ZBTB14: variants seen among roughly 807,000 people sequenced by gnomAD.
ZBTB14 encodes zinc finger and BTB domain containing 14, also known as zinc finger and BTB domain-containing protein 14.
A neutral mutation model predicts 29.5 loss-of-function variants in ZBTB14; 8 were observed. That is an observed-to-expected ratio of 0.27 (90% CI 0.16 to 0.49). ZBTB14 has a LOEUF of 0.49. Ranked by LOEUF, ZBTB14 falls within the 20% of genes least tolerant of loss-of-function variation. The pLI, the probability that ZBTB14 is intolerant of heterozygous loss-of-function variation, is 0.99. For synonymous variants in ZBTB14, 226 were observed against 207.2 expected, an observed-to-expected ratio of 1.09 and a Z score of -0.78; for missense variants, 333 against 563.8, an observed-to-expected ratio of 0.59 and a Z score of 4.15.
intron 1 of ZBTB14, among the ~76,000 whole-genome samples, chr18:5,295,356 TC>T (rs1209339365): frequency 7.1e-6 from 1 of 140,834 alleles, no homozygotes; most frequent in Non-Finnish European, 1.6e-5. Flanking sequence ...GTGCGCTGGG[TC>T]CCGGCCCCCT....
Position 5,289,390 on chromosome 18 carries a change from T to G in ZBTB14, c.*1468A>C, listed in dbSNP as rs1316683032. 8 of 152,164 alleles carry G rather than the reference T, an allele frequency of 5.3e-5. No individual in the cohort carries two copies. Among genetic ancestry groups the G allele is most frequent in the Non-Finnish European group, 1.0e-4 (7 of 68,022 alleles). The allele number at this position is 152,164 out of a possible 1,614,324, so 9.4% of individuals were successfully genotyped here. On this transcript the variant is annotated 3_prime_UTR_variant, in exon 4 of 4. Coordinates refer to ENST00000651870, the MANE Select transcript of ZBTB14 (RefSeq NM_001243702.2). ...AATGCAACAAGCTATGAAGTGAAATTACTTTAATTTTTTTAAAAGAAATCC... is the reference window on the plus strand; with the variant it reads ...AATGCAACAAGCTATGAAGTGAAATGACTTTAATTTTTTTAAAAGAAATCC...
intron 2 of ZBTB14, 47 bp from the exon 3 acceptor site, chr18:5,293,374 C>A: frequency 1.1e-6 from 1 of 943,506 alleles, no homozygotes; most frequent in Non-Finnish European, 1.6e-6. Flanking sequence ...CTTCCTGTAT[C>A]CCAAATCCTA....
chr18:5,295,731 G>A (rs1381734328), upstream of ZBTB14: 4 of 151,190 alleles, frequency 2.6e-5, no homozygotes, highest in African/African-American at 4.9e-5. Flanking sequence ...GCGTCTTCCG[G>A]GCCGCCCCGC....
Position 5,295,679 on chromosome 18 carries a change from C to T in ZBTB14, c.-139G>A, listed in dbSNP as rs1053700956. 1.3e-5 allele frequency: 2 copies of T among 149,588 alleles called. No individual in the cohort carries two copies. Among genetic ancestry groups the T allele is most frequent in the African/African-American group, 4.9e-5 (2 of 41,056 alleles). The allele number at this position is 149,588 out of a possible 1,614,324, so 9.3% of individuals were successfully genotyped here. A position where few individuals can be genotyped will look rare whatever the true frequency, so the allele number is the denominator to read the frequency against. Reference sequence around the variant, plus strand: ...CGCCGCGCCGCTGGCGGCCGCCGCACATCCTGGAGCTGGCTGGTGCCCCAG... The same window carrying T: ...CGCCGCGCCGCTGGCGGCCGCCGCATATCCTGGAGCTGGCTGGTGCCCCAG... On this transcript the variant is annotated 5_prime_UTR_variant, in exon 1 of 4. It adds an upstream start codon to the 5' untranslated region. Coordinates refer to ENST00000651870, the MANE Select transcript of ZBTB14 (RefSeq NM_001243702.2).
In ZBTB14 at chr18:5,289,105, T is replaced by C. The variant is rs923880569; in HGVS notation, c.*1753A>G. The stretch of plus-strand genomic sequence containing the variant: ...GTAGCTATTGACAAGATGTTAAAAT[T>C]ATTTTTCCTTTGCTTTGGTTAAAAC... On this transcript the variant is annotated 3_prime_UTR_variant, in exon 4 of 4. Coordinates refer to ENST00000651870, the MANE Select transcript of ZBTB14 (RefSeq NM_001243702.2). 6.6e-6 allele frequency: 1 copy of C among 152,238 alleles called. No individual in the cohort carries two copies. The highest frequency in any genetic ancestry group is 1.5e-5 in the Non-Finnish European group (1 of 68,036). The allele number at this position is 152,238 out of a possible 1,614,324, so 9.4% of individuals were successfully genotyped here.
chr18:5,296,246 GCTT>G (rs2071962851), upstream of ZBTB14: 1 of 150,434 alleles, frequency 6.6e-6, no homozygotes, highest in Non-Finnish European at 1.5e-5. Flanking sequence ...CACGCGCGCG[GCTT>G]GGGGCGCGCG....
chr18:5,293,935 A>G (rs908877251), intron 2 of ZBTB14, 37 bp downstream of exon 2: 11 of 152,246 alleles, frequency 7.2e-5, no homozygotes, highest in African/African-American at 2.7e-4. Context: ...AATAAGGGTG[A>G]AAGAATTTCA....
At chr18:5,296,221 C>G (rs867203388), upstream of ZBTB14, 2 of 151,034 alleles carry the variant, frequency 1.3e-5, no homozygotes, top group Non-Finnish European at 1.5e-5. Flanking sequence ...GGGCCCTGGC[C>G]TGCGCACGCG....
intron 2 of ZBTB14, 54 bp downstream of exon 2, chr18:5,293,918 T>C (rs2071878577): frequency 6.6e-6 from 1 of 152,232 alleles, no homozygotes; most frequent in Non-Finnish European, 1.5e-5. Context: ...TTTACCTCTA[T>C]CCCTACAATA....
In ZBTB14 at chr18:5,291,173, G is replaced by A; in HGVS notation, c.1035C>T (p.Ala345=). The change falls in exon 4 of 4, where the codon GCC becomes GCT. Residue 345 remains alanine, a synonymous_variant. Transcript: ENST00000651870. The surrounding 1 kb of genome is among the most constrained non-coding windows in gnomAD (Gnocchi z 5.8). ...CTCTCTCATGCTTCTTTAAGTCTGG[G>A]GCACGGATAAATGATTTTCCACACA... ...CEVCGKSFIR[A]PDLKKHERVH... The A allele has an allele frequency of 6.2e-7, 1 of 1,614,222 alleles. No homozygotes were observed.
At chr18:5,294,774 G>C (rs1162298903) in intron 1 of ZBTB14, 1 of 152,188 alleles carries the variant, frequency 6.6e-6, no homozygotes, top group Non-Finnish European at 1.5e-5. Context: ...GCAGGGAGCC[G>C]GGCTTCCCGC....
chr18:5,295,214 G>C (rs994382585), intron 1 of ZBTB14, among the ~76,000 whole-genome samples: 1 of 143,788 alleles, frequency 7.0e-6, no homozygotes, highest in Non-Finnish European at 1.5e-5. Context: ...CGCTCCGCCC[G>C]CGAGCCCGGA....
chr18:5,296,227 ACGCGCGCGCACGCGCGCGGCTTGGGG>A (rs2071961706), upstream of ZBTB14: 2 of 149,380 alleles, frequency 1.3e-5, no homozygotes. Context: ...TGGCCTGCGC[ACGCGCGCGCACGCGCGCGGCTTGGGG>A]CGCGCGGAGC....
chr18:5,291,848 C>T lies in ZBTB14; in HGVS notation c.360G>A (p.Leu120=). The change falls in exon 4 of 4, where the codon TTG becomes TTA. Residue 120 remains leucine (L), a synonymous_variant. Coordinates refer to ENST00000651870, the MANE Select transcript of ZBTB14 (RefSeq NM_001243702.2). This position sits in a 1 kb window ranked among gnomAD's most constrained non-coding sequence, Gnocchi z 5.8. ...CACGCTTCTGAGAACACAGTTTATC[C>T]AAAAATCGGATACCAAGAATCTGAC... ...SSGQILGIRF[L]DKLCSQKRDV... is the part of the protein sequence containing the mutation. 1 of 1,613,978 alleles carries T rather than the reference C, an allele frequency of 6.2e-7. No homozygotes were observed. The highest frequency in any genetic ancestry group is 8.5e-7 in the Non-Finnish European group (1 of 1,179,948).
chr18:5,295,618 C>A (rs1444348817), intron 1 of ZBTB14, 34 bp downstream of exon 1: 2 of 146,008 alleles, frequency 1.4e-5, no homozygotes, highest in African/African-American at 4.9e-5. Flanking sequence ...CGGCCCCACG[C>A]CCAACCCTGG....
In ZBTB14 at chr18:5,293,289, C is replaced by T. The variant is rs149392244; in HGVS notation, c.-43G>A. ...ATCTTAATGCCTTGAACGCCAAAATCTTCAGATCAGAGTAACTCTGATCAG... is the reference window on the plus strand; with the variant it reads ...ATCTTAATGCCTTGAACGCCAAAATTTTCAGATCAGAGTAACTCTGATCAG... On this transcript the variant is annotated 5_prime_UTR_variant, in exon 3 of 4. Transcript: ENST00000651870. 6.2e-7 allele frequency: 1 copy of T among 1,612,184 alleles called. No homozygotes were observed. The highest frequency in any genetic ancestry group is 8.5e-7 in the Non-Finnish European group (1 of 1,178,940).
At chr18:5,296,129 G>C (rs1361547191), upstream of ZBTB14, 1 of 151,848 alleles carries the variant, frequency 6.6e-6, no homozygotes. Context: ...ACCCGACCGG[G>C]TCTCTAAGTG....
chr18:5,293,365 T>A (rs2071862459), intron 2 of ZBTB14, 38 bp from the exon 3 acceptor site: 1 of 1,016,780 alleles, frequency 9.8e-7, no homozygotes, highest in South Asian at 1.5e-5. Context: ...AGGTAGGATC[T>A]TCCTGTATCC....
chr18:5,296,955 C>T (rs1251798113), upstream of ZBTB14: 4 of 152,050 alleles, frequency 2.6e-5, no homozygotes, highest in Non-Finnish European at 5.9e-5. Context: ...GGCGGCTGTG[C>T]CTGTGTCTGG....
Sources: gnomAD v4.1 joint callset for allele counts (sites outside exome capture counted in the v4.1 genomes callset) on GRCh38, gnomAD v4.1.1 for gene constraint, Gnocchi (gnomAD v3.1) non-coding constraint, MANE v1.5 for transcripts, NCBI Gene and HGNC (gene_info 2026-07-23, HGNC 2026-07-21) for gene names.